Variants in RNF111 observed in about 807,000 individuals in gnomAD.
The protein encoded by RNF111 is ring finger protein 111.
In RNF111, 17 loss-of-function variants were observed where a neutral mutation model predicts 95.1. The observed-to-expected ratio is 0.18, with a 90% CI of 0.12 to 0.27. The LOEUF is 0.27. RNF111 is among the 10% of genes least tolerant of loss of function. The pLI, the probability that RNF111 is intolerant of heterozygous loss-of-function variation, is 1.00. For synonymous variants in RNF111, 440 were observed against 414.8 expected (o/e 1.06, Z -0.74); for missense variants, 1,189 against 1,210.4 (o/e 0.98, Z 0.26).
intron 10 of RNF111, among the ~76,000 whole-genome samples, chr15:59,087,208 G>C (rs2078923763): frequency 6.6e-6 from 1 of 152,178 alleles, no homozygotes; most frequent in African/African-American, 2.4e-5. Context: ...AAGAGGATTA[G>C]GTTTTCAGGA....
chr15:59,055,553 A>T, intron 3 of RNF111, 129 bp from the exon 4 acceptor site: 1 of 573,026 alleles, frequency 1.7e-6, no homozygotes. Flanking sequence ...ATGATTTTTA[A>T]TTACGATTAT....
At chr15:59,014,020 A>AGCTT (rs2039953572) in intron 1 of RNF111, among the ~76,000 whole-genome samples, 1 of 152,118 alleles carries the variant, frequency 6.6e-6, no homozygotes, top group South Asian at 2.1e-4. Flanking sequence ...TGAACTCCTG[A>AGCTT]GCTTAGGCAA....
chr15:59,037,856 A>G (rs545563141), intron 2 of RNF111, among the ~76,000 whole-genome samples: 2 of 152,206 alleles, frequency 1.3e-5, no homozygotes, highest in African/African-American at 2.4e-5. Context: ...AGTAGGTATT[A>G]CAGATTATAT....
At chr15:59,009,080 C>G (rs1353792801) in intron 1 of RNF111, among the ~76,000 whole-genome samples, 1 of 152,092 alleles carries the variant, frequency 6.6e-6, no homozygotes. Context: ...TTGCCTCAGC[C>G]TCCCGAGCAG....
chr15:59,007,084 TA>T (rs553405016), intron 1 of RNF111, among the ~76,000 whole-genome samples: 1 of 152,324 alleles, frequency 6.6e-6, no homozygotes, highest in South Asian at 2.1e-4. Flanking sequence ...GTTTTTAAAG[TA>T]AACTTTACAT....
chr15:59,032,131 G>A (rs1441692862), intron 2 of RNF111, among the ~76,000 whole-genome samples: 1 of 152,000 alleles, frequency 6.6e-6, no homozygotes, highest in Non-Finnish European at 1.5e-5. Context: ...TGGAGACGGG[G>A]TTTCACTATG....
intron 2 of RNF111, among the ~76,000 whole-genome samples, chr15:59,033,264 T>C (rs4774321): frequency 0.36 from 54,831 of 152,070 alleles, 9,983 homozygotes; most frequent in Middle Eastern, 0.46. Context: ...TCTTCTTCTT[T>C]ATGAGTCCCT....
chr15:59,089,589 C>G (rs1378952529), intron 10 of RNF111, 78 bp from the exon 11 acceptor site: 2 of 1,116,964 alleles, frequency 1.8e-6, no homozygotes, highest in Non-Finnish European at 2.7e-6. Context: ...CATTGAGGGT[C>G]TTGAATTATT....
chr15:59,071,224 G>A (rs1020318492), intron 6 of RNF111, among the ~76,000 whole-genome samples: 3 of 151,276 alleles, frequency 2.0e-5, no homozygotes, highest in Non-Finnish European at 2.9e-5. Flanking sequence ...GCCTGAACCC[G>A]GGAGGCGGAG....
At chr15:59,058,629 AT>A in intron 5 of RNF111, 79 bp downstream of exon 5, 1 of 1,264,646 alleles carries the variant, frequency 7.9e-7, no homozygotes, top group Non-Finnish European at 1.1e-6. Flanking sequence ...TAAGTCTAAG[AT>A]TTTAGCTATG....
intron 5 of RNF111, among the ~76,000 whole-genome samples, chr15:59,058,909 T>TG (rs1299372263): frequency 5.3e-5 from 8 of 152,032 alleles, no homozygotes; most frequent in African/African-American, 1.7e-4. Flanking sequence ...GCCTACAGAA[T>TG]GGGGGGAAGA....
intron 6 of RNF111, among the ~76,000 whole-genome samples, chr15:59,072,784 C>T (rs866586582): frequency 7.3e-5 from 11 of 151,640 alleles, no homozygotes; most frequent in African/African-American, 2.7e-4. Flanking sequence ...GTATCTTTAC[C>T]TGGAGAAGAT....
chr15:59,030,859 A>G lies in RNF111; in HGVS notation c.37A>G (p.Thr13Ala). 6.2e-7 allele frequency: 1 copy of G among 1,612,884 alleles called. No homozygotes were observed. ...QWTPEYNELY[T>A]LKVDMKSEIP... ...GACTCCTGAATATAACGAGCTCTAC[A>G]CCTTAAAAGTGGATATGAAGAGTGA... Residue 13 changes from threonine to alanine, a missense_variant, in exon 2 of 14, where the codon ACC becomes GCC. This residue lies in a region of RNF111 where 1,024 missense variants were observed against 925.9 expected (regional missense o/e 1.11). Coordinates refer to ENST00000348370, the MANE Select transcript of RNF111 (RefSeq NM_017610.8).
At chr15:59,039,331 T>C (rs1431768517) in intron 2 of RNF111, among the ~76,000 whole-genome samples, 2 of 152,204 alleles carry the variant, frequency 1.3e-5, no homozygotes, top group Non-Finnish European at 2.9e-5. Flanking sequence ...GGAAGAACAC[T>C]TTGTTCATCA....
At chr15:59,035,176 C>T (rs947800133) in intron 2 of RNF111, among the ~76,000 whole-genome samples, 5 of 152,154 alleles carry the variant, frequency 3.3e-5, no homozygotes, top group South Asian at 2.1e-4. Context: ...AAACTGCCCC[C>T]ATGAATTATG....
At chr15:59,045,380 G>A (rs1427870989) in intron 2 of RNF111, among the ~76,000 whole-genome samples, 5 of 151,736 alleles carry the variant, frequency 3.3e-5, no homozygotes, top group Non-Finnish European at 7.4e-5. Context: ...TAGTAGAGAC[G>A]GGGTTTTACC....
At chr15:59,037,572 C>G (rs1035557130) in intron 2 of RNF111, among the ~76,000 whole-genome samples, 41 of 152,112 alleles carry the variant, frequency 2.7e-4, no homozygotes, top group African/African-American at 8.9e-4. Context: ...CGTGGTGGCT[C>G]ACACCTGTAA....
chr15:59,023,550 A>C (rs2040451286), intron 1 of RNF111, among the ~76,000 whole-genome samples: 2 of 152,040 alleles, frequency 1.3e-5, no homozygotes. Flanking sequence ...ATTTTTGGTA[A>C]ATATATAAGT....
At chr15:59,005,631 C>G (rs1351098958) in intron 1 of RNF111, among the ~76,000 whole-genome samples, 1 of 151,752 alleles carries the variant, frequency 6.6e-6, no homozygotes, top group East Asian at 1.9e-4. Flanking sequence ...ATAAGTTAGA[C>G]TAGTTTGAGG....
Sources: allele counts gnomAD v4.1 joint callset (sites outside exome capture counted in the v4.1 genomes callset), GRCh38; gene constraint gnomAD v4.1.1; regional missense constraint gnomAD v4.1.1; transcripts MANE v1.5; gene names NCBI Gene and HGNC (gene_info 2026-07-23, HGNC 2026-07-21).